The following ARID1A variants were observed in gnomAD, a reference collection of about 807,000 sequenced individuals.
ARID1A encodes AT-rich interaction domain 1A.
Under a neutral mutation model 212.6 loss-of-function variants are expected in ARID1A, and 20 were observed. That is an observed-to-expected ratio of 0.09 (90% confidence interval 0.07 to 0.14). The LOEUF is 0.14. ARID1A is among the 10% of genes least tolerant of loss of function. The pLI, the probability that ARID1A is intolerant of heterozygous loss-of-function variation, is 1.00. For synonymous variants in ARID1A, 1,376 were observed against 1,222.1 expected, an observed-to-expected ratio of 1.13 and a Z score of -2.63; for missense variants, 2,587 against 3,059.0, an observed-to-expected ratio of 0.85 and a Z score of 3.64.
Position 26,774,047 on chromosome 1 carries a change from C to G in ARID1A, c.4101+149C>G, listed in dbSNP as rs2081110786. 7 of 1,114,742 alleles carry G rather than the reference C, an allele frequency of 6.3e-6. No homozygotes were observed. Among genetic ancestry groups the G allele is most frequent in the Non-Finnish European group, 7.7e-6 (6 of 783,770 alleles). The allele number at this position is 1,114,742 out of a possible 1,614,324, so 69.1% of individuals were successfully genotyped here. A position where few individuals can be genotyped will look rare whatever the true frequency, so the allele number is the denominator to read the frequency against. On this transcript the variant is annotated intron_variant, in intron 17 of 19. Coordinates refer to ENST00000324856, the MANE Select transcript of ARID1A (RefSeq NM_006015.6). The surrounding 1 kb of genome is among the most constrained non-coding windows in gnomAD (Gnocchi z 5.6). ...TGACTGGCCAGTCCTGCCTGAAGAG[C>G]CACGTCCTCAATCTCTTCTCTATTT...
chr1:26,742,957 G>A (rs1264474617), intron 4 of ARID1A, among the ~76,000 whole-genome samples: 3 of 152,234 alleles, frequency 2.0e-5, no homozygotes, highest in Non-Finnish European at 2.9e-5. Context: ...GTGACAGAGC[G>A]AGACTGTCTC....
chr1:26,733,892 G>A (rs2080704165), intron 4 of ARID1A, among the ~76,000 whole-genome samples: 1 of 152,212 alleles, frequency 6.6e-6, no homozygotes, highest in Non-Finnish European at 1.5e-5. Flanking sequence ...CAGAAGGCGG[G>A]AACTCTCTTC....
chr1:26,771,156 A>C lies in ARID1A; in HGVS notation c.3236A>C (p.Asn1079Thr), dbSNP rs372945891. The change falls in exon 12 of 20, where the codon AAC becomes ACC. Residue 1079 changes from asparagine (N) to threonine (T), a missense_variant. Asn to Thr is a moderately conservative substitution (Grantham distance 65, BLOSUM62 0). This residue lies in a region of ARID1A where 44 missense variants were observed against 99.5 expected (regional missense o/e 0.44). Coordinates refer to ENST00000324856, the MANE Select transcript of ARID1A (RefSeq NM_006015.6). The surrounding 1 kb of genome is among the most constrained non-coding windows in gnomAD (Gnocchi z 5.4). ...AAAAAATGGCGGGAACTTGCAACCA[A>C]CCTCAATGTGGGCACATCAAGCAGT... ...KNKKWRELAT[N>T]LNVGTSSSAA... The C allele has an allele frequency of 1.2e-6, 2 of 1,614,174 alleles. No individual in the cohort carries two copies. Among genetic ancestry groups the C allele is most frequent in the Non-Finnish European group, 8.5e-7 (1 of 1,180,024 alleles).
rs2080692639 is a variant in ARID1A at position 26,732,753 on chromosome 1, T to C, written c.1881T>C (p.Asp627=). 1 of 1,613,918 alleles carries C rather than the reference T, an allele frequency of 6.2e-7. No individual in the cohort carries two copies. The highest frequency in any genetic ancestry group is 8.5e-7 in the Non-Finnish European group (1 of 1,179,940). Residue 627 remains aspartate (D), a synonymous_variant, in exon 4 of 20, where the codon GAT becomes GAC. Transcript: ENST00000324856. The part of the protein sequence containing the change: ...SMTSSKGGQE[D]MNLSLQSRPS... ...CCTCCAGTAAGGGAGGGCAAGAAGA[T>C]ATGAACCTGAGCCTTCAGTCAAGAC...
chr1:26,748,288 GGCAACACC>G (rs2080855331), intron 4 of ARID1A, among the ~76,000 whole-genome samples: 3 of 152,108 alleles, frequency 2.0e-5, no homozygotes, highest in African/African-American at 7.2e-5. Flanking sequence ...GGAAGCCTAA[GGCAACACC>G]CCCTCCTTAT....
At chr1:26,724,760 T>C (rs1448247979) in intron 1 of ARID1A, among the ~76,000 whole-genome samples, 1 of 152,202 alleles carries the variant, frequency 6.6e-6, no homozygotes, top group Non-Finnish European at 1.5e-5. Flanking sequence ...TGTAATTCTA[T>C]TGGCTTGGAG....
chr1:26,714,403 T>C (rs1164894613), intron 1 of ARID1A, among the ~76,000 whole-genome samples: 1 of 146,538 alleles, frequency 6.8e-6, no homozygotes, highest in African/African-American at 2.7e-5. Flanking sequence ...ATCTTTTTTG[T>C]TTGTTTGTTT....
Position 26,772,481 on chromosome 1 carries a change from C to CT in ARID1A, c.3407-17dup. 1 of 1,614,164 alleles carries CT rather than the reference C, an allele frequency of 6.2e-7. No homozygotes were observed. The highest frequency in any genetic ancestry group is 8.5e-7 in the Non-Finnish European group (1 of 1,180,010). On this transcript the variant is annotated intron_variant, in intron 12 of 19. Transcript: ENST00000324856. ...CTGTCATGCCAAGCAAACTACTCAA[C>CT]TTGTATCTCTGTCCACAGCGGGATC...
intron 1 of ARID1A, among the ~76,000 whole-genome samples, chr1:26,705,669 G>T (rs560914624): frequency 7.1e-4 from 108 of 152,278 alleles, no homozygotes; most frequent in Middle Eastern, 3.4e-3. Flanking sequence ...GGTTTTAGAG[G>T]AATCCAAGTT....
At position 26,779,991 on chromosome 1, in the gene ARID1A, T is replaced by C. The variant is rs374525953; in HGVS notation, c.6093T>C (p.Tyr2031=). ...AACGGAAGCAGGCACCACTAACTTA[T>C]GAAAAGGAGGAGGAACAGGACCAAG... The part of the protein sequence containing the change: ...HPERKQAPLT[Y]EKEEEQDQGV... The change falls in exon 20 of 20, where the codon TAT becomes TAC. Residue 2031 remains tyrosine, a synonymous_variant. Transcript: ENST00000324856. The C allele has an allele frequency of 4.0e-5, 65 of 1,613,904 alleles. No individual in the cohort carries two copies. The highest frequency in any genetic ancestry group is 5.2e-5 in the Non-Finnish European group (61 of 1,180,016).
chr1:26,696,371 C>T lies in ARID1A; in HGVS notation c.-33C>T, dbSNP rs2080252250. On this transcript the variant is annotated 5_prime_UTR_variant, in exon 1 of 20. Coordinates refer to ENST00000324856, the MANE Select transcript of ARID1A (RefSeq NM_006015.6). ...AGGGGGGGAGAAGACGAAGACAGGG[C>T]CGGGTCTCTCCGCGGACGAGACAGC... 9 of 1,235,890 alleles carry T rather than the reference C, an allele frequency of 7.3e-6. No individual in the cohort carries two copies. The highest frequency in any genetic ancestry group is 1.6e-5 in the African/African-American group (1 of 62,638). The allele number at this position is 1,235,890 out of a possible 1,614,324, so 76.6% of individuals were successfully genotyped here. A position where few individuals can be genotyped will look rare whatever the true frequency, so the allele number is the denominator to read the frequency against.
At position 26,767,500 on chromosome 1, in the gene ARID1A, G is replaced by A. The variant is rs1354680773; in HGVS notation, c.2989-290G>A. On this transcript the variant is annotated intron_variant, in intron 10 of 19. Transcript: ENST00000324856. ...GAGATCTTAGGCTTTGCCTCCTGGT[G>A]CCTGCTTCCTTATCTTTACAAATGG... is the stretch of plus-strand genomic sequence containing the variant. 3.3e-5 allele frequency among the ~76,000 whole-genome samples: 5 copies of A among 152,270 alleles called. No homozygotes were observed. The East Asian group carries it at 9.6e-4, about 29-fold the overall frequency.
intron 1 of ARID1A, among the ~76,000 whole-genome samples, chr1:26,712,529 A>AT (rs2080464225): frequency 6.6e-6 from 1 of 152,002 alleles, no homozygotes; most frequent in Non-Finnish European, 1.5e-5. Flanking sequence ...TCTTAAAAAA[A>AT]ATTTTTTTTA....
At chr1:26,760,581 C>T (rs1184890191) in intron 4 of ARID1A, among the ~76,000 whole-genome samples, 4 of 151,708 alleles carry the variant, frequency 2.6e-5, no homozygotes, top group Middle Eastern at 3.4e-3. Context: ...CCCAGCCACT[C>T]GGGAGGCTGA....
intron 12 of ARID1A, chr1:26,772,272 C>T: frequency 3.4e-6 from 2 of 585,934 alleles, no homozygotes. Context: ...ATGTCATGGC[C>T]ACATCACTCC....
chr1:26,696,149 A>T lies in ARID1A; in HGVS notation c.-255A>T. ...CGGGAGAGCCGGGTCCCGAGCCTAC[A>T]GAGCCGGGAGCAGCTGAGCCGCCGG... is the stretch of plus-strand genomic sequence containing the variant. On this transcript the variant is annotated 5_prime_UTR_variant, in exon 1 of 20. Transcript: ENST00000324856. The T allele has an allele frequency of 2.1e-6, 1 of 486,428 alleles. No homozygotes were observed. The highest frequency in any genetic ancestry group is 2.9e-6 in the Non-Finnish European group (1 of 340,786). 30.1% of individuals were successfully genotyped at this position (486,428 alleles called of 1,614,324 possible). A position where few individuals can be genotyped will look rare whatever the true frequency, so the allele number is the denominator to read the frequency against.
rs1352800918 is a variant in ARID1A at position 26,779,199 on chromosome 1, A to T, written c.5301A>T (p.Glu1767Asp). ...TGGAGGGTGGGGAAGAAGAAGAAGA[A>T]CTTCTAGGTCCTAAACTAGAAGAGG... ...APMEGGEEEE[E>D]LLGPKLEEEE... Residue 1767 changes from glutamate (E) to aspartate (D), a missense_variant, in exon 20 of 20, where the codon GAA (glutamate) becomes GAT (aspartate). By Grantham distance (45) the Glu-to-Asp change is conservative. This residue lies in a region of ARID1A where 890 missense variants were observed against 1,098.2 expected (regional missense o/e 0.81). Transcript: ENST00000324856. The T allele has an allele frequency of 1.4e-5, 22 of 1,610,858 alleles. No individual in the cohort carries two copies. Among genetic ancestry groups the T allele is most frequent in the Non-Finnish European group, 1.9e-5 (22 of 1,177,912 alleles).
intron 1 of ARID1A, among the ~76,000 whole-genome samples, chr1:26,710,441 A>T (rs967626174): frequency 1.7e-4 from 25 of 147,668 alleles, no homozygotes; most frequent in Non-Finnish European, 3.3e-4. Flanking sequence ...ACACCATTGC[A>T]CTCCAGCCTG....
intron 8 of ARID1A, 96 bp downstream of exon 8, chr1:26,763,381 G>T: frequency 7.4e-7 from 1 of 1,351,640 alleles, no homozygotes; most frequent in Non-Finnish European, 9.9e-7. Flanking sequence ...ACCAGGGGGG[G>T]AAAATGGGTG....
Sources: allele counts gnomAD v4.1 joint callset (sites outside exome capture counted in the v4.1 genomes callset), GRCh38; gene constraint gnomAD v4.1.1; regional missense constraint gnomAD v4.1.1; non-coding constraint Gnocchi (gnomAD v3.1); transcripts MANE v1.5; gene names NCBI Gene and HGNC (gene_info 2026-07-23, HGNC 2026-07-21).